GOLGA7: variants seen among roughly 807,000 people sequenced by gnomAD.
GOLGA7 encodes the protein golgin subfamily A member 7.
GOLGA7 carries 10 observed loss-of-function variants against 21.1 expected under a neutral mutation model. That is an observed-to-expected ratio of 0.47 (90% CI 0.29 to 0.80). The LOEUF is 0.80. GOLGA7 is among the 30% of genes least tolerant of loss of function. The probability of loss-of-function intolerance (pLI) is 0.08; values close to 1 mark genes in which losing one functional copy is unlikely to be tolerated. For synonymous variants in GOLGA7, 64 were observed against 62.6 expected, an observed-to-expected ratio of 1.02 and a Z score of -0.10; for missense variants, 114 against 166.8, an observed-to-expected ratio of 0.68 and a Z score of 1.74.
intron 2 of GOLGA7, among the ~76,000 whole-genome samples, chr8:41,499,026 C>G (rs897355954): frequency 2.2e-4 from 33 of 152,202 alleles, no homozygotes; most frequent in African/African-American, 7.5e-4. Flanking sequence ...GCTGAAAATG[C>G]TGTTGTATTC....
rs1000995524 is a variant in GOLGA7 at position 41,504,147 on chromosome 8, CA to C, written c.265-1754del. ...AAAAAAAAAAAAAAACAAAACAAAA[CA>C]AAAAAAAAACTTGCCCAGCAAAGTT... is the stretch of plus-strand genomic sequence containing the variant. On this transcript the variant is annotated intron_variant, in intron 2 of 4. Transcript: ENST00000357743. Among the ~76,000 whole-genome samples the C allele has an allele frequency of 1.8e-3, 233 of 129,444 alleles. 2 individuals are homozygous for C. The highest frequency in any genetic ancestry group is 6.4e-3 in the African/African-American group (219 of 34,266). The allele number at this position is 129,444 out of a possible 152,430, so 84.9% of individuals were successfully genotyped here.
At chr8:41,500,103 G>C (rs1171356989) in intron 2 of GOLGA7, among the ~76,000 whole-genome samples, 1 of 152,234 alleles carries the variant, frequency 6.6e-6, no homozygotes, top group Admixed American at 6.5e-5. Flanking sequence ...GCTAAGCAAA[G>C]TGCTGGGACA....
intron 2 of GOLGA7, among the ~76,000 whole-genome samples, chr8:41,499,972 G>A (rs1806111412): frequency 6.6e-6 from 1 of 152,266 alleles, no homozygotes; most frequent in Middle Eastern, 3.4e-3. Context: ...AAAATCAGAA[G>A]TTATCAAGGC....
intron 1 of GOLGA7, among the ~76,000 whole-genome samples, chr8:41,496,256 G>A (rs1306243870): frequency 6.6e-6 from 1 of 152,040 alleles, no homozygotes; most frequent in African/African-American, 2.4e-5. Flanking sequence ...CAGCTGATGG[G>A]GGCTGGAAGG....
At position 41,505,980 on chromosome 8, in the gene GOLGA7, C is replaced by T. The variant is rs1228731337; in HGVS notation, c.334C>T (p.Leu112=). 2 of 1,592,480 alleles carry T rather than the reference C, an allele frequency of 1.3e-6. No individual in the cohort carries two copies. The highest frequency in any genetic ancestry group is 1.7e-6 in the Non-Finnish European group (2 of 1,161,842). ...EKIYAPQGLL[L]TDPIERGLRV... is the part of the protein sequence containing the mutation. ...GATCTATGCTCCACAAGGCCTCCTC[C>T]TGACAGACCCTATTGAGCGAGGACT... Residue 112 remains leucine, a synonymous_variant, in exon 3 of 5, where the codon CTG becomes TTG. Transcript: ENST00000357743.
intron 1 of GOLGA7, 79 bp from the exon 2 acceptor site, chr8:41,497,430 C>T: frequency 1.3e-6 from 1 of 795,300 alleles, no homozygotes; most frequent in African/African-American, 1.7e-5. Context: ...GGTGAGAAAA[C>T]AAGATAAATT....
upstream of GOLGA7, chr8:41,490,579 G>T (rs751675586): frequency 6.6e-6 from 3 of 451,204 alleles, no homozygotes; most frequent in Non-Finnish European, 1.2e-5. Flanking sequence ...AAGTGACGGC[G>T]AAGGCGGTGC....
intron 1 of GOLGA7, among the ~76,000 whole-genome samples, chr8:41,491,760 T>C (rs1394060537): frequency 6.6e-6 from 1 of 152,176 alleles, no homozygotes; most frequent in Non-Finnish European, 1.5e-5. Flanking sequence ...TGCCCACATA[T>C]GTACATTCAA....
rs530940368 is a variant in GOLGA7, at chr8:41,491,440, G to T, written c.111+475G>T. On this transcript the variant is annotated intron_variant, in intron 1 of 4. Coordinates refer to ENST00000357743, the MANE Select transcript of GOLGA7 (RefSeq NM_001002296.2). ...CTGTTTGGCTGAAAGGGTTTATTAGGTGCATGGCCAGGCGGTGCGTTCAGG... is the reference window on the plus strand; with the variant it reads ...CTGTTTGGCTGAAAGGGTTTATTAGTTGCATGGCCAGGCGGTGCGTTCAGG... Among the ~76,000 whole-genome samples, 44 of 152,276 alleles carry T rather than the reference G, an allele frequency of 2.9e-4. No homozygotes were observed. In the South Asian group the frequency reaches 8.3e-3, roughly 29 times the overall value.
intron 2 of GOLGA7, among the ~76,000 whole-genome samples, chr8:41,498,095 C>T (rs1252444114): frequency 1.3e-5 from 2 of 152,128 alleles, no homozygotes; most frequent in Non-Finnish European, 2.9e-5. Context: ...TTGTCAATAG[C>T]ACCCCTGTCT....
chr8:41,505,661 G>A (rs890838014), intron 2 of GOLGA7, among the ~76,000 whole-genome samples: 3 of 152,280 alleles, frequency 2.0e-5, no homozygotes, highest in African/African-American at 7.2e-5. Flanking sequence ...GGTTCTCATC[G>A]TGCCATTGTA....
chr8:41,499,936 A>T (rs1806110779), intron 2 of GOLGA7, among the ~76,000 whole-genome samples: 1 of 149,316 alleles, frequency 6.7e-6, no homozygotes, highest in African/African-American at 2.5e-5. Context: ...ATACACAGAG[A>T]AGCTTTCATT....
chr8:41,506,565 A>G (rs1228398533), intron 3 of GOLGA7, among the ~76,000 whole-genome samples: 2 of 152,132 alleles, frequency 1.3e-5, no homozygotes, highest in African/African-American at 4.8e-5. Context: ...AACTGGAGTA[A>G]TGGGTAAATA....
chr8:41,498,271 T>C (rs1285558124), intron 2 of GOLGA7, among the ~76,000 whole-genome samples: 4 of 152,386 alleles, frequency 2.6e-5, no homozygotes, highest in Admixed American at 6.5e-5. Flanking sequence ...ATTGAAATAG[T>C]CTGACTTGTC....
intron 1 of GOLGA7, among the ~76,000 whole-genome samples, chr8:41,494,130 A>G (rs1805950912): frequency 6.6e-6 from 1 of 151,820 alleles, no homozygotes. Flanking sequence ...CTGACGTATG[A>G]TTTACCTCTA....
chr8:41,497,475 A>G (rs939732650), intron 1 of GOLGA7, 34 bp from the exon 2 acceptor site: 3 of 1,256,030 alleles, frequency 2.4e-6, no homozygotes, highest in Non-Finnish European at 3.3e-6. Flanking sequence ...TTTTTTTTCC[A>G]AAACTTAATT....
At chr8:41,506,913 A>G in intron 3 of GOLGA7, 146 bp from the exon 4 acceptor site, 1 of 663,508 alleles carries the variant, frequency 1.5e-6, no homozygotes, top group Non-Finnish European at 2.7e-6. Flanking sequence ...AATTGGAGAA[A>G]GCAAACTTAA....
At position 41,497,663 on chromosome 8, in the gene GOLGA7, T is replaced by G; in HGVS notation, c.264+2T>G. ...TGCATGGAAACTCATTATGAGAAGG[T>G]AATGCTACATTTGTTTTCACAAAAA... On this transcript the variant is annotated splice_donor_variant, in intron 2 of 4. Coordinates refer to ENST00000357743, the MANE Select transcript of GOLGA7 (RefSeq NM_001002296.2). LOFTEE classifies it high-confidence loss of function. 2.0e-6 allele frequency: 3 copies of G among 1,488,100 alleles called. No homozygotes were observed. The highest frequency in any genetic ancestry group is 2.8e-6 in the Non-Finnish European group (3 of 1,079,814). The allele number at this position is 1,488,100 out of a possible 1,614,324, so 92.2% of individuals were successfully genotyped here.
At chr8:41,504,137 C>A (rs139269042) in intron 2 of GOLGA7, among the ~76,000 whole-genome samples, 8,514 of 65,890 alleles carry the variant, frequency 0.13, 370 homozygotes, top group African/African-American at 0.2. Flanking sequence ...AAAAAAAAAA[C>A]AAAACAAAAC....
Sources: gnomAD v4.1 joint callset for allele counts (sites outside exome capture counted in the v4.1 genomes callset) on GRCh38, gnomAD v4.1.1 for gene constraint, MANE v1.5 for transcripts, NCBI Gene and HGNC (gene_info 2026-07-23, HGNC 2026-07-21) for gene names.